RELN: variants seen among roughly 807,000 people sequenced by gnomAD.
The protein encoded by RELN is reelin.
RELN carries 108 observed loss-of-function variants against 427.6 expected under a neutral mutation model. The observed-to-expected ratio is 0.25, with a 90% CI of 0.22 to 0.30. The LOEUF (loss-of-function observed/expected upper bound fraction) is 0.30, where lower values mean the gene tolerates loss of function less well. RELN is among the 10% of genes least tolerant of loss of function. The pLI is 1.00. For missense variants in RELN, 3,715 were observed against 4,302.8 expected, an observed-to-expected ratio of 0.86 and a Z score of 3.82; for synonymous variants, 1,524 against 1,513.4, an observed-to-expected ratio of 1.01 and a Z score of -0.16.
chr7:103,773,418 CCTCGCTCCCTCT>C (rs1791651590), intron 4 of RELN, among the ~76,000 whole-genome samples: 2 of 58,232 alleles, frequency 3.4e-5, no homozygotes, highest in African/African-American at 9.3e-5. Flanking sequence ...TCTCTCTCTC[CCTCGCTCCCTCT>C]CTCTCTCTCT....
At chr7:103,532,530 A>G (rs1562875203) in intron 46 of RELN, among the ~76,000 whole-genome samples, 1 of 152,184 alleles carries the variant, frequency 6.6e-6, no homozygotes, top group South Asian at 2.1e-4. Flanking sequence ...AAACACTTTA[A>G]CAGGCTTTTA....
At chr7:103,804,029 T>C (rs1792533699) in intron 3 of RELN, among the ~76,000 whole-genome samples, 1 of 152,130 alleles carries the variant, frequency 6.6e-6, no homozygotes, top group Non-Finnish European at 1.5e-5. Context: ...ATCTCCATCA[T>C]GTAATTAGCT....
intron 27 of RELN, among the ~76,000 whole-genome samples, chr7:103,591,010 G>C (rs1322651243): frequency 6.6e-6 from 1 of 152,182 alleles, no homozygotes; most frequent in African/African-American, 2.4e-5. Context: ...AGTTATCTGT[G>C]CTCATTTTGT....
rs549843128 is a variant in RELN, at chr7:103,824,303, T to C, written c.473+9234A>G. ...ATTACTAATGTAAAGCTAGACTCCA[T>C]ATACTGAGGGTTTTATCTTCTTACA... On this transcript the variant is annotated intron_variant, in intron 3 of 64. Coordinates refer to ENST00000428762, the MANE Select transcript of RELN (RefSeq NM_005045.4). This position sits in a 1 kb window ranked among gnomAD's most constrained non-coding sequence, Gnocchi z 4.4. 6.6e-6 allele frequency among the ~76,000 whole-genome samples: 1 copy of C among 152,186 alleles called. No homozygotes were observed. Among genetic ancestry groups the C allele is most frequent in the Non-Finnish European group, 1.5e-5 (1 of 68,000 alleles).
chr7:103,482,076 G>A (rs376240777), intron 63 of RELN: 15 of 152,238 alleles, frequency 9.9e-5, no homozygotes, highest in African/African-American at 3.6e-4. Flanking sequence ...AAATCTGGTA[G>A]TTTTCCTACC....
At chr7:103,952,053 T>C (rs1796343375) in intron 1 of RELN, among the ~76,000 whole-genome samples, 1 of 152,286 alleles carries the variant, frequency 6.6e-6, no homozygotes, top group Admixed American at 6.5e-5. Context: ...TATCAGTTCT[T>C]ATTTTGGGTA....
intron 28 of RELN, among the ~76,000 whole-genome samples, chr7:103,579,844 T>C (rs2117217932): frequency 6.6e-6 from 1 of 152,254 alleles, no homozygotes; most frequent in East Asian, 1.9e-4. Flanking sequence ...ACTAGGAAGG[T>C]TTCTGCTTGT....
intron 20 of RELN, among the ~76,000 whole-genome samples, chr7:103,629,378 C>A: frequency 6.6e-6 from 1 of 152,062 alleles, no homozygotes; most frequent in African/African-American, 2.4e-5. Context: ...ATTTTGAAAC[C>A]CCAATGGCAT....
At chr7:103,762,280 C>A (rs762970933) in intron 4 of RELN, among the ~76,000 whole-genome samples, 1 of 152,152 alleles carries the variant, frequency 6.6e-6, no homozygotes, top group Non-Finnish European at 1.5e-5. Context: ...CACAGTAGAA[C>A]GACCCTGCCA....
intron 49 of RELN, among the ~76,000 whole-genome samples, chr7:103,518,111 G>A (rs1426345244): frequency 6.6e-6 from 1 of 152,108 alleles, no homozygotes; most frequent in Admixed American, 6.6e-5. Flanking sequence ...GGTGCTTGCG[G>A]AGCCACTACA....
chr7:103,873,179 C>A (rs1794393107), intron 2 of RELN, among the ~76,000 whole-genome samples: 13 of 148,322 alleles, frequency 8.8e-5, no homozygotes, highest in Admixed American at 1.4e-4. Flanking sequence ...CACAACATAC[C>A]AGAATCTCTG....
intron 10 of RELN, among the ~76,000 whole-genome samples, chr7:103,689,514 A>AAC: frequency 6.6e-6 from 1 of 151,902 alleles, no homozygotes; most frequent in African/African-American, 2.4e-5. Context: ...CACCCACACA[A>AAC]ACACACACAC....
At chr7:103,711,021 C>G (rs1789782965) in intron 8 of RELN, among the ~76,000 whole-genome samples, 1 of 151,922 alleles carries the variant, frequency 6.6e-6, no homozygotes, top group South Asian at 2.1e-4. Flanking sequence ...TCCAGCCTGG[C>G]AACAGAGCGA....
At chr7:103,936,304 G>C (rs575283229) in intron 1 of RELN, among the ~76,000 whole-genome samples, 17 of 152,152 alleles carry the variant, frequency 1.1e-4, no homozygotes, top group African/African-American at 4.1e-4. Context: ...TGTTGGCCAG[G>C]CTGGTCTTGA....
At chr7:103,511,066 T>C in intron 50 of RELN, 61 bp from the exon 51 acceptor site, 1 of 1,268,836 alleles carries the variant, frequency 7.9e-7, no homozygotes, top group Non-Finnish European at 1.1e-6. Flanking sequence ...GAAGCAAATT[T>C]TCACTTTAAG....
At chr7:103,623,923 C>G (rs74648015) in intron 20 of RELN, among the ~76,000 whole-genome samples, 6 of 152,028 alleles carry the variant, frequency 3.9e-5, no homozygotes, top group Non-Finnish European at 7.4e-5. Flanking sequence ...ATAACCTACA[C>G]GTACCTTAAC....
At chr7:103,945,294 A>C (rs191710429) in intron 1 of RELN, among the ~76,000 whole-genome samples, 1 of 152,248 alleles carries the variant, frequency 6.6e-6, no homozygotes, top group Non-Finnish European at 1.5e-5. Flanking sequence ...TCCCTTACCT[A>C]GGATCAGTCT....
intron 4 of RELN, among the ~76,000 whole-genome samples, chr7:103,754,828 A>G (rs1034872509): frequency 7.9e-5 from 12 of 152,212 alleles, no homozygotes; most frequent in African/African-American, 2.9e-4. Context: ...TATATATTTA[A>G]CGGACAGGTG....
At chr7:103,965,906 C>T (rs1170847081) in intron 1 of RELN, among the ~76,000 whole-genome samples, 1 of 152,118 alleles carries the variant, frequency 6.6e-6, no homozygotes, top group Non-Finnish European at 1.5e-5. Context: ...TTATTCTTAA[C>T]ATTTGAATTA....
Sources: gnomAD v4.1 joint callset for allele counts (sites outside exome capture counted in the v4.1 genomes callset) on GRCh38, gnomAD v4.1.1 for gene constraint, Gnocchi (gnomAD v3.1) non-coding constraint, MANE v1.5 for transcripts, NCBI Gene and HGNC (gene_info 2026-07-23, HGNC 2026-07-21) for gene names.